Variants in EED observed in about 807,000 individuals in gnomAD.
EED encodes embryonic ectoderm development, also known as polycomb protein EED.
EED carries 9 observed loss-of-function variants against 61.0 expected under a neutral mutation model. The ratio of observed to expected loss-of-function variants is 0.15; its 90% CI spans 0.09 to 0.26. The LOEUF (loss-of-function observed/expected upper bound fraction) is 0.26. Ranked by LOEUF, EED falls within the 10% of genes least tolerant of loss-of-function variation. The pLI is 1.00. For missense variants in EED, 315 were observed against 542.3 expected (o/e 0.58, Z 4.16); for synonymous variants, 187 against 174.4 (o/e 1.07, Z -0.57).
chr11:86,245,405 G>A, intron 1 of EED, 62 bp downstream of exon 1: 1 of 1,366,466 alleles, frequency 7.3e-7, no homozygotes, highest in Non-Finnish European at 1.0e-6. Flanking sequence ...CTTTTAAAAC[G>A]GGGGGCGCGG....
At chr11:86,257,136 A>T (rs1386184438) in intron 5 of EED, among the ~76,000 whole-genome samples, 4 of 151,510 alleles carry the variant, frequency 2.6e-5, no homozygotes. Flanking sequence ...CCTGGGCTCA[A>T]GCGATCCTCC....
At position 86,277,035 on chromosome 11, in the gene EED, A is replaced by C; in HGVS notation, c.1022A>C (p.Asp341Ala). Residue 341 changes from aspartate (D) to alanine (A), a missense_variant, in exon 10 of 12, where the codon GAT (aspartate) becomes GCT (alanine). Physicochemically the swap from Asp to Ala is moderately radical, Grantham distance 126 (BLOSUM62 -2). Transcript: ENST00000263360. ...WKPGKMEDDI[D>A]KIKPSESNVT... The stretch of plus-strand genomic sequence containing the variant: ...CCTGGCAAGATGGAAGATGATATAG[A>C]TAAAATTAAACCCAGTGAATCTAAT... The C allele has an allele frequency of 6.4e-7, 1 of 1,570,702 alleles. No homozygotes were observed. The highest frequency in any genetic ancestry group is 8.7e-7 in the Non-Finnish European group (1 of 1,150,688).
chr11:86,278,100 A>C, intron 11 of EED, 109 bp downstream of exon 11: 1 of 1,376,684 alleles, frequency 7.3e-7, no homozygotes, highest in Non-Finnish European at 9.4e-7. Flanking sequence ...AGTCATTTTT[A>C]ACATTTACTG....
downstream of EED, among the ~76,000 whole-genome samples, chr11:86,283,124 T>C (rs291250): frequency 1.4e-4 from 21 of 152,278 alleles, no homozygotes; most frequent in Admixed American, 2.6e-4. Context: ...CTTCAGTGGA[T>C]ACTAGTTATT....
intron 4 of EED, among the ~76,000 whole-genome samples, chr11:86,255,650 A>G (rs751869153): frequency 2.0e-5 from 3 of 152,148 alleles, no homozygotes; most frequent in Admixed American, 1.3e-4. Context: ...ATTTCATTGT[A>G]GTTATAATGA....
chr11:86,263,114 T>G (rs1171471567), intron 6 of EED, among the ~76,000 whole-genome samples: 2 of 152,202 alleles, frequency 1.3e-5, no homozygotes. Flanking sequence ...CCAACAGGGA[T>G]AGCTCTTACT....
chr11:86,270,088 C>T (rs1310894559), intron 9 of EED: 3 of 698,922 alleles, frequency 4.3e-6, no homozygotes, highest in African/African-American at 3.5e-5. Flanking sequence ...TCCAGAGTGG[C>T]CGTGCCATTT....
In EED at chr11:86,278,786, A is replaced by G. The variant is rs547085189; in HGVS notation, c.*261A>G. The stretch of plus-strand genomic sequence containing the variant: ...ATTGTGGTGAAAAAAAGTTAAAAGT[A>G]ATAAAATTATGCCTTATCTTTTTAT... On this transcript the variant is annotated 3_prime_UTR_variant, in exon 12 of 12. Transcript: ENST00000263360. The G allele has an allele frequency of 3.1e-6, 1 of 324,310 alleles. No individual in the cohort carries two copies. The highest frequency in any genetic ancestry group is 1.1e-4 in the South Asian group (1 of 9,036). 20.1% of individuals were successfully genotyped at this position (324,310 alleles called of 1,614,324 possible). A position where few individuals can be genotyped will look rare whatever the true frequency, so the allele number is the denominator to read the frequency against.
At chr11:86,279,130 C>T (rs1946293818), downstream of EED, among the ~76,000 whole-genome samples, 1 of 152,118 alleles carries the variant, frequency 6.6e-6, no homozygotes. Flanking sequence ...TTAATGATTT[C>T]TTATGTAATA....
At chr11:86,259,129 A>C (rs56683247) in intron 6 of EED, among the ~76,000 whole-genome samples, 1 of 151,456 alleles carries the variant, frequency 6.6e-6, no homozygotes, top group African/African-American at 2.4e-5. Flanking sequence ...CGGCCTCCCA[A>C]AGTGCTGGGA....
At position 86,268,498 on chromosome 11, in the gene EED, C is replaced by G; in HGVS notation, c.903C>G (p.Thr301=). 6.2e-7 allele frequency: 1 copy of G among 1,606,180 alleles called. No homozygotes were observed. Among genetic ancestry groups the G allele is most frequent in the Non-Finnish European group, 8.5e-7 (1 of 1,175,978 alleles). The part of the protein sequence containing the change: ...SQKIHFPDFS[T]RDIHRNYVDC... The stretch of plus-strand genomic sequence containing the variant: ...AAATCCATTTTCCTGATTTTTCTAC[C>G]AGAGACATACATAGGAATTATGTTG... Residue 301 remains threonine, a synonymous_variant, in exon 9 of 12, where the codon ACC becomes ACG. Transcript: ENST00000263360.
intron 7 of EED, 30 bp from the exon 8 acceptor site, chr11:86,266,053 T>G: frequency 6.5e-7 from 1 of 1,546,900 alleles, no homozygotes; most frequent in South Asian, 1.2e-5. Flanking sequence ...GAGCTGTAAT[T>G]TATATAAAAC....
intron 9 of EED, among the ~76,000 whole-genome samples, chr11:86,273,892 T>C (rs1284546303): frequency 1.3e-5 from 2 of 152,228 alleles, no homozygotes; most frequent in African/African-American, 4.8e-5. Flanking sequence ...GAGTGCGATA[T>C]GACTTGATGT....
chr11:86,252,866 C>T (rs1945570648), intron 3 of EED, among the ~76,000 whole-genome samples: 1 of 152,038 alleles, frequency 6.6e-6, no homozygotes, highest in African/African-American at 2.4e-5. Context: ...CTCAGGTGAT[C>T]CTCCCATGTC....
chr11:86,264,419 G>A, intron 7 of EED, 156 bp downstream of exon 7: 2 of 503,382 alleles, frequency 4.0e-6, no homozygotes, highest in Non-Finnish European at 7.1e-6. Flanking sequence ...CCAGATGAAG[G>A]AATAAAACAA....
chr11:86,274,516 C>T (rs986313334), intron 9 of EED, among the ~76,000 whole-genome samples: 1 of 152,102 alleles, frequency 6.6e-6, no homozygotes, highest in African/African-American at 2.4e-5. Context: ...ACCTTTTCAG[C>T]TGGGGAAGGG....
Position 86,256,482 on chromosome 11 carries a change from A to G in EED, c.522A>G (p.Ile174Met), listed in dbSNP as rs771855344. 3.1e-6 allele frequency: 5 copies of G among 1,611,214 alleles called. No homozygotes were observed. The South Asian group carries it at 4.4e-5, about 14-fold the overall frequency. The change falls in exon 5 of 12, where the codon ATA becomes ATG. Residue 174 changes from isoleucine to methionine, a missense_variant. Physicochemically the swap from Ile to Met is conservative, Grantham distance 10. Coordinates refer to ENST00000263360, the MANE Select transcript of EED (RefSeq NM_003797.5). ...AVAGSRGIIR[I>M]INPITMQCIK... is the part of the protein sequence containing the mutation. ...CTGGATCTAGAGGCATAATTAGGAT[A>G]ATAAATCCTATAACAATGCAGTGTA...
chr11:86,251,990 G>A (rs773553785), intron 2 of EED, among the ~76,000 whole-genome samples, 158 bp from the exon 3 acceptor site: 17 of 152,186 alleles, frequency 1.1e-4, no homozygotes, highest in Non-Finnish European at 1.9e-4. Context: ...AACTAGACTA[G>A]TAGACATCTT....
chr11:86,249,436 A>G (rs1945470982), intron 1 of EED, among the ~76,000 whole-genome samples: 1 of 151,876 alleles, frequency 6.6e-6, no homozygotes, highest in Non-Finnish European at 1.5e-5. Context: ...TGCTGCCCTA[A>G]GATCCTAGAT....
Sources: gnomAD v4.1 joint callset for allele counts (sites outside exome capture counted in the v4.1 genomes callset) on GRCh38, gnomAD v4.1.1 for gene constraint, MANE v1.5 for transcripts, NCBI Gene and HGNC (gene_info 2026-07-23, HGNC 2026-07-21) for gene names.